C1QTNF3: variants seen among roughly 807,000 people sequenced by gnomAD.
The protein encoded by C1QTNF3 is C1q and TNF related 3.
C1QTNF3 carries 26 observed loss-of-function variants against 32.6 expected under a neutral mutation model. That is an observed-to-expected ratio of 0.80 (90% CI 0.58 to 1.11). C1QTNF3 has a LOEUF of 1.11. C1QTNF3 is among the 50% of genes least tolerant of loss of function. The pLI is 0.00. For missense variants in C1QTNF3, 362 were observed against 398.2 expected, an observed-to-expected ratio of 0.91 and a Z score of 0.77; for synonymous variants, 155 against 146.0, an observed-to-expected ratio of 1.06 and a Z score of -0.44.
At chr5:34,031,275 A>G (rs1031717319) in intron 3 of C1QTNF3, among the ~76,000 whole-genome samples, 4 of 152,208 alleles carry the variant, frequency 2.6e-5, no homozygotes, top group African/African-American at 9.6e-5. Flanking sequence ...CAATCTGTGT[A>G]AGACCCAAAT....
the C1QTNF3 span, among the ~76,000 whole-genome samples, chr5:34,140,215 G>C: frequency 6.1e-3 from 924 of 152,306 alleles, 13 homozygotes; most frequent in African/African-American, 0.021. Flanking sequence ...GGAAGAATTA[G>C]AATCTTTATT....
At chr5:34,047,487 A>T (rs1468127127), upstream of C1QTNF3, among the ~76,000 whole-genome samples, 1 of 152,220 alleles carries the variant, frequency 6.6e-6, no homozygotes, top group Non-Finnish European at 1.5e-5. Flanking sequence ...AGGGACAGTC[A>T]AGAACTGTGT....
intron 5 of C1QTNF3, among the ~76,000 whole-genome samples, chr5:34,021,089 A>G (rs1030179651): frequency 8.5e-5 from 13 of 152,174 alleles, no homozygotes; most frequent in African/African-American, 2.9e-4. Flanking sequence ...GTTTGATGAG[A>G]AGGAAAGAAA....
intron 1 of C1QTNF3, among the ~76,000 whole-genome samples, chr5:34,040,115 A>G (rs1754831327): frequency 6.6e-6 from 1 of 152,192 alleles, no homozygotes; most frequent in Admixed American, 6.5e-5. Flanking sequence ...GTTGGAAGGG[A>G]TGTGTTAATT....
At chr5:34,230,600 A>G in the C1QTNF3 span, among the ~76,000 whole-genome samples, 2 of 152,200 alleles carry the variant, frequency 1.3e-5, no homozygotes, top group Non-Finnish European at 2.9e-5. Flanking sequence ...TCATCTCAGC[A>G]TAAAACAATA....
chr5:34,145,058 G>A, the C1QTNF3 span, among the ~76,000 whole-genome samples: 2 of 152,124 alleles, frequency 1.3e-5, no homozygotes, highest in Non-Finnish European at 2.9e-5. Flanking sequence ...GAACCCGGGA[G>A]GCAGAAGTTG....
chr5:34,114,081 A>G, the C1QTNF3 span, among the ~76,000 whole-genome samples: 2 of 152,224 alleles, frequency 1.3e-5, no homozygotes, highest in South Asian at 2.1e-4. Flanking sequence ...TAATTAAGGA[A>G]AGTGAATAGC....
the C1QTNF3 span, among the ~76,000 whole-genome samples, chr5:34,125,535 G>A: frequency 6.6e-6 from 1 of 151,956 alleles, no homozygotes; most frequent in Admixed American, 6.6e-5. Context: ...GTTGTGAGGA[G>A]TTTCAGAACC....
the C1QTNF3 span, among the ~76,000 whole-genome samples, chr5:34,075,782 T>C: frequency 2.6e-5 from 4 of 151,432 alleles, no homozygotes; most frequent in Admixed American, 2.6e-4. Context: ...AAGAGATAAT[T>C]GTGCACCCAT....
At chr5:34,202,649 T>C in the C1QTNF3 span, among the ~76,000 whole-genome samples, 1 of 151,984 alleles carries the variant, frequency 6.6e-6, no homozygotes, top group Non-Finnish European at 1.5e-5. Context: ...ATTACAGTTA[T>C]GCTTATGTTA....
chr5:34,056,598 G>C, the C1QTNF3 span, among the ~76,000 whole-genome samples: 6 of 150,460 alleles, frequency 4.0e-5, no homozygotes, highest in Non-Finnish European at 7.4e-5. Flanking sequence ...CTGCAGCCTT[G>C]ACCTCCCGGG....
the C1QTNF3 span, among the ~76,000 whole-genome samples, chr5:34,084,053 T>C: frequency 9.4e-4 from 143 of 151,876 alleles, 6 homozygotes; most frequent in African/African-American, 3.3e-3. Flanking sequence ...CTAAAAGTCA[T>C]GGTCTTACCC....
the C1QTNF3 span, chr5:34,175,758 T>A: frequency 1.5e-5 from 10 of 648,712 alleles, no homozygotes; most frequent in South Asian, 1.8e-4. Flanking sequence ...ATGTCCAGAA[T>A]GGGCAAGGCA....
At chr5:34,036,292 C>T (rs1754734479) in intron 1 of C1QTNF3, among the ~76,000 whole-genome samples, 1 of 152,154 alleles carries the variant, frequency 6.6e-6, no homozygotes. Context: ...ACAGCCATAG[C>T]ACACTTAAAT....
chr5:34,158,669 A>G, the C1QTNF3 span: 3 of 152,150 alleles, frequency 2.0e-5, no homozygotes, highest in Non-Finnish European at 4.4e-5. Context: ...ATCTGATTTC[A>G]TATGTGGAAA....
At chr5:34,132,668 T>C in the C1QTNF3 span, among the ~76,000 whole-genome samples, 1 of 152,102 alleles carries the variant, frequency 6.6e-6, no homozygotes, top group Non-Finnish European at 1.5e-5. Context: ...TTACTATTAC[T>C]ATAATTACTA....
At chr5:34,176,253 T>C in the C1QTNF3 span, among the ~76,000 whole-genome samples, 1 of 65,502 alleles carries the variant, frequency 1.5e-5, no homozygotes, top group East Asian at 4.6e-4. Flanking sequence ...GGGACTGTTG[T>C]GCGGTGGGGG....
At chr5:34,081,450 A>C in the C1QTNF3 span, among the ~76,000 whole-genome samples, 4 of 151,692 alleles carry the variant, frequency 2.6e-5, no homozygotes, top group African/African-American at 9.8e-5. Context: ...ATCTTAATCA[A>C]CACTGATCTA....
At chr5:34,089,941 C>T in the C1QTNF3 span, among the ~76,000 whole-genome samples, 5 of 152,162 alleles carry the variant, frequency 3.3e-5, no homozygotes, top group South Asian at 4.1e-4. Context: ...TCAGTTATGA[C>T]GGAGCTGCAT....
Sources: allele counts gnomAD v4.1 joint callset (sites outside exome capture counted in the v4.1 genomes callset), GRCh38; gene constraint gnomAD v4.1.1; transcripts MANE v1.5; gene names NCBI Gene and HGNC (gene_info 2026-07-23, HGNC 2026-07-21).